Variants in MYO15B observed in about 807,000 individuals in gnomAD.
MYO15B encodes the protein myosin XVB pseudogene.
Under a neutral mutation model 119.3 loss-of-function variants are expected in MYO15B, and 207 were observed. The ratio of observed to expected loss-of-function variants is 1.73; its 90% CI spans 1.55 to 1.95. The LOEUF is 1.95. Among genes scored for constraint, MYO15B ranks in the 30% most tolerant of loss-of-function variants. MYO15B has a pLI of 0.00. For missense variants in MYO15B, 2,264 were observed against 1,203.1 expected (o/e 1.88, Z -13.04); for synonymous variants, 966 against 498.9 (o/e 1.94, Z -12.48).
chr17:75,625,144 G>T, exon 60 of MYO15B: 2 of 700,874 alleles, frequency 2.9e-6, no homozygotes, highest in Non-Finnish European at 5.2e-6. Flanking sequence ...CTACCTTCAG[G>T]GGAAGCTGCC....
chr17:75,625,623 A>C (rs1035887373), exon 61 of MYO15B: 2 of 703,066 alleles, frequency 2.8e-6, no homozygotes, highest in Non-Finnish European at 5.2e-6. Context: ...GACGGCTGGA[A>C]GGACACAGCC....
At position 75,596,489 on chromosome 17, in the gene MYO15B, GT is replaced by G; in HGVS notation, c.3328del (p.Cys1110AlafsTer44). ...TGCGGGTGAATGGCCTGGAGCAACT[GT>G]GCAACAACCTCGCCAGCGAGCGCCT... On this transcript the variant is annotated frameshift_variant, in exon 13 of 64. Coordinates refer to ENST00000645453, the Ensembl canonical transcript of MYO15B. LOFTEE classifies it high-confidence loss of function. The G allele has an allele frequency of 1.7e-6, 1 of 594,648 alleles. No individual in the cohort carries two copies. Among genetic ancestry groups the G allele is most frequent in the Non-Finnish European group, 3.1e-6 (1 of 327,040 alleles). 36.8% of individuals were successfully genotyped at this position (594,648 alleles called of 1,614,324 possible). A position where few individuals can be genotyped will look rare whatever the true frequency, so the allele number is the denominator to read the frequency against.
chr17:75,602,850 G>A, exon 17 of MYO15B: 1 of 639,444 alleles, frequency 1.6e-6, no homozygotes, highest in Admixed American at 2.5e-5. Flanking sequence ...GCCTGTTCCA[G>A]GAGGCAGAGC....
chr17:75,596,514 C>T (rs1157087277), exon 13 of MYO15B: 1 of 703,016 alleles, frequency 1.4e-6, no homozygotes, highest in African/African-American at 1.7e-5. Flanking sequence ...CAGCGAGCGC[C>T]TACAGCTCTT....
At chr17:75,594,452 C>T in intron 9 of MYO15B, 23 bp from the exon 10 acceptor site, 1 of 593,706 alleles carries the variant, frequency 1.7e-6, no homozygotes, top group South Asian at 2.0e-5. Flanking sequence ...CAGAGATCTC[C>T]CTGTCCCTCC....
exon 59 of MYO15B, chr17:75,624,885 A>T (rs963083310): frequency 2.8e-6 from 2 of 702,700 alleles, no homozygotes; most frequent in Non-Finnish European, 5.2e-6. Context: ...CACTTCGATA[A>T]CTCCACCTAC....
Position 75,602,961 on chromosome 17 carries a change from G to A in MYO15B, c.3845+16G>A, listed in dbSNP as rs372038056. 4.3e-5 allele frequency: 30 copies of A among 697,536 alleles called. 1 individual carries two copies. The highest frequency in any genetic ancestry group is 3.6e-4 in the South Asian group (24 of 66,822). The allele number at this position is 697,536 out of a possible 1,614,324, so 43.2% of individuals were successfully genotyped here. The stretch of plus-strand genomic sequence containing the variant: ...GGCTGGGCAGGTAAGAACAGCGCCC[G>A]CCACACCAGACCCCAGGGAGTTGTA... On this transcript the variant is annotated intron_variant, in intron 17 of 63. Transcript: ENST00000645453.
intron 60 of MYO15B, 91 bp downstream of exon 60, chr17:75,625,329 G>A (rs1464307138): frequency 3.1e-6 from 2 of 642,872 alleles, no homozygotes; most frequent in African/African-American, 3.6e-5. Flanking sequence ...TAAATGGACT[G>A]GCCAGGAGCA....
At chr17:75,626,321 GC>G in intron 63 of MYO15B, 85 bp from the exon 64 acceptor site, 1 of 698,940 alleles carries the variant, frequency 1.4e-6, no homozygotes, top group Non-Finnish European at 2.6e-6. Flanking sequence ...CCAGGCCGAT[GC>G]CCACTGCTCC....
chr17:75,622,111 T>C, intron 53 of MYO15B, 31 bp downstream of exon 53: 1 of 702,148 alleles, frequency 1.4e-6, no homozygotes, highest in Non-Finnish European at 2.6e-6. Flanking sequence ...CCCCAGCGCC[T>C]GTGCCTGTCC....
Position 75,603,277 on chromosome 17 carries a change from C to T in MYO15B, c.3981C>T (p.Phe1327=), listed in dbSNP as rs576596832. ...CCGTGGGCACCCGCAGTGCCAACTT[C>T]CCCGTGCGTGTGCCCTTTGAGGCCT... The change falls in exon 19 of 64, where the codon TTC becomes TTT. Residue 1327 remains phenylalanine, a synonymous_variant. Transcript: ENST00000645453. 512 of 703,130 alleles carry T rather than the reference C, an allele frequency of 7.3e-4. 3 individuals carry two copies. The African/African-American group carries it at 7.6e-3, about 11-fold the overall frequency. The allele number at this position is 703,130 out of a possible 1,614,324, so 43.6% of individuals were successfully genotyped here. A position where few individuals can be genotyped will look rare whatever the true frequency, so the allele number is the denominator to read the frequency against.
chr17:75,602,941 G>A (rs755032893), exon 17 of MYO15B: 41 of 692,198 alleles, frequency 5.9e-5, no homozygotes, highest in Non-Finnish European at 1.0e-4. Context: ...AGCCCGGCTG[G>A]GCAGGTAAGA....
exon 25 of MYO15B, chr17:75,611,967 C>G: frequency 1.4e-6 from 1 of 703,048 alleles, no homozygotes; most frequent in Non-Finnish European, 2.6e-6. Context: ...ACTCTCCCAG[C>G]AGACATTGAC....
exon 59 of MYO15B, chr17:75,624,816 T>C: frequency 1.4e-6 from 1 of 702,874 alleles, no homozygotes; most frequent in South Asian, 1.5e-5. Context: ...CTCAACAGCG[T>C]GGTAGTGGAC....
exon 27 of MYO15B, chr17:75,612,988 G>C: frequency 1.4e-6 from 1 of 692,156 alleles, no homozygotes; most frequent in Non-Finnish European, 2.7e-6. Context: ...TGCGGCTCCT[G>C]GGGGACGGAT....
At chr17:75,602,221 T>G in intron 15 of MYO15B, 1 of 484,514 alleles carries the variant, frequency 2.1e-6, no homozygotes, top group Non-Finnish European at 3.7e-6. Flanking sequence ...TAAATCAAAA[T>G]AGATTTAATA....
chr17:75,616,000 G>T, intron 36 of MYO15B, 69 bp from the exon 37 acceptor site: 1 of 590,634 alleles, frequency 1.7e-6, no homozygotes, highest in Non-Finnish European at 3.0e-6. Context: ...CCAGGACTGG[G>T]GACCCGAGGG....
exon 9 of MYO15B, chr17:75,592,696 G>A (rs561505342): frequency 5.6e-5 from 39 of 701,270 alleles, no homozygotes; most frequent in Non-Finnish European, 9.9e-5. Context: ...CCTGCAGGCT[G>A]CAAGGCAAGG....
Position 75,616,791 on chromosome 17 carries a change from C to T in MYO15B, c.6506+6C>T, listed in dbSNP as rs2058399841. On this transcript the variant is annotated splice_donor_region_variant and intron_variant, in intron 39 of 63. Transcript: ENST00000645453. Reference sequence around the variant, plus strand: ...GTGCCCGTGCAGCCATCCAGGTGGGCCCCCACGGGGAGGTGGCCAGGGCTG... The same window carrying T: ...GTGCCCGTGCAGCCATCCAGGTGGGTCCCCACGGGGAGGTGGCCAGGGCTG... The T allele has an allele frequency of 2.8e-6, 2 of 703,002 alleles. No homozygotes were observed. Among genetic ancestry groups the T allele is most frequent in the East Asian group, 5.4e-5 (2 of 37,288 alleles). The allele number at this position is 703,002 out of a possible 1,614,324, so 43.5% of individuals were successfully genotyped here.
Sources: gnomAD v4.1 joint callset for allele counts on GRCh38, gnomAD v4.1.1 for gene constraint, MANE v1.5 for transcripts, NCBI Gene and HGNC (gene_info 2026-07-23, HGNC 2026-07-21) for gene names.